The following MS4A10 variants were observed in gnomAD, a reference collection of about 807,000 sequenced individuals.
MS4A10 encodes the protein membrane-spanning 4-domains subfamily A member 10.
A neutral mutation model predicts 27.7 loss-of-function variants in MS4A10; 27 were observed. The observed-to-expected ratio is 0.98, with a 90% CI of 0.72 to 1.35. The LOEUF is 1.35. MS4A10 is among the 40% of genes most tolerant of loss of function. The probability of loss-of-function intolerance (pLI) is 0.00; values close to 1 mark genes in which losing one functional copy is unlikely to be tolerated. For synonymous variants in MS4A10, 139 were observed against 131.2 expected (o/e 1.06, Z -0.41); for missense variants, 338 against 324.7 (o/e 1.04, Z -0.32).
At chr11:60,798,743 T>C (rs1164488230) in intron 7 of MS4A10, among the ~76,000 whole-genome samples, 1 of 152,192 alleles carries the variant, frequency 6.6e-6, no homozygotes, top group Non-Finnish European at 1.5e-5. Context: ...AGCACCTGAC[T>C]TGGTTGACCA....
At position 60,785,700 on chromosome 11, in the gene MS4A10, G is replaced by A. The variant is rs371775934; in HGVS notation, c.-23+279G>A. On this transcript the variant is annotated intron_variant, in intron 1 of 7. Coordinates refer to ENST00000308287, the MANE Select transcript of MS4A10 (RefSeq NM_206893.4). ...GATCTGGGAAGTAGGGGGCACCGTC[G>A]GCCTCTCCCCTGCGGAGCCCCATCC... Among the ~76,000 whole-genome samples, 8 of 152,220 alleles carry A rather than the reference G, an allele frequency of 5.3e-5. No individual in the cohort carries two copies. The South Asian group carries it at 1.0e-3, about 20-fold the overall frequency.
rs146437987 is a variant in MS4A10 at position 60,799,846 on chromosome 11, A to T, written c.741A>T (p.Gln247His). 10 of 1,550,852 alleles carry T rather than the reference A, an allele frequency of 6.4e-6. No individual in the cohort carries two copies. The highest frequency in any genetic ancestry group is 8.9e-6 in the Non-Finnish European group (10 of 1,124,236). ...KQHQRLREVKQVAPDTWIVTD... is the reference protein window; with the variant it reads ...KQHQRLREVKHVAPDTWIVTD... ...CATGCAGGCTCAGAGAAGTTAAGCA[A>T]GTTGCCCCGGACACATGGATAGTCA... is the stretch of plus-strand genomic sequence containing the variant. Residue 247 changes from glutamine (Q) to histidine (H), a missense_variant, in exon 8 of 8, where the codon CAA (glutamine) becomes CAT (histidine). By Grantham distance (24) the Gln-to-His change is conservative (BLOSUM62 0). Coordinates refer to ENST00000308287, the MANE Select transcript of MS4A10 (RefSeq NM_206893.4).
At position 60,793,966 on chromosome 11, in the gene MS4A10, C is replaced by T. The variant is rs1854477582; in HGVS notation, c.361-6C>T. ...GACAGCTGTTACCTTTATTTTTCAC[C>T]TATAGAAGATGTTGTGCCTGATGAC... On this transcript the variant is annotated splice_polypyrimidine_tract_variant and splice_region_variant and intron_variant, in intron 4 of 7. Transcript: ENST00000308287. 6.2e-7 allele frequency: 1 copy of T among 1,613,762 alleles called. No homozygotes were observed. The highest frequency in any genetic ancestry group is 1.1e-5 in the South Asian group (1 of 91,034).
intron 1 of MS4A10, among the ~76,000 whole-genome samples, chr11:60,788,952 C>G (rs1854381768): frequency 6.6e-6 from 1 of 152,178 alleles, no homozygotes; most frequent in African/African-American, 2.4e-5. Flanking sequence ...GGGAGGTTGC[C>G]AGGCAAAACT....
intron 5 of MS4A10, 52 bp downstream of exon 5, chr11:60,794,155 G>C (rs1223923864): frequency 8.7e-6 from 14 of 1,608,376 alleles, no homozygotes; most frequent in Non-Finnish European, 1.2e-5. Flanking sequence ...GTGCTGCCTT[G>C]GATTTGGCCA....
In MS4A10 at chr11:60,790,573, T is replaced by C. The variant is rs957291378; in HGVS notation, c.183+55T>C. ...GTGGGAGGCAGAGGAGAGGGGGATA[T>C]GAGGAGGATGCTGGGGGGCCCCAAG... On this transcript the variant is annotated intron_variant, in intron 2 of 7. Coordinates refer to ENST00000308287, the MANE Select transcript of MS4A10 (RefSeq NM_206893.4). 44 of 1,593,402 alleles carry C rather than the reference T, an allele frequency of 2.8e-5. No homozygotes were observed. The African/African-American group carries it at 5.3e-4, about 19-fold the overall frequency.
At chr11:60,790,118 G>A (rs1854403652) in intron 1 of MS4A10, among the ~76,000 whole-genome samples, 196 bp from the exon 2 acceptor site, 1 of 152,188 alleles carries the variant, frequency 6.6e-6, no homozygotes, top group Admixed American at 6.5e-5. Flanking sequence ...GAAAGGCTGT[G>A]AGCAGCAATT....
chr11:60,791,811 G>A (rs376824102), intron 3 of MS4A10, among the ~76,000 whole-genome samples: 1 of 152,350 alleles, frequency 6.6e-6, no homozygotes. Flanking sequence ...CCCATAGTAG[G>A]TGCTCAGTGC....
Position 60,800,247 on chromosome 11 carries a change from T to C in MS4A10, c.*338T>C, listed in dbSNP as rs1240158728. ...CTCACTGCAATCTCCGCCTCCCTGG[T>C]TCAAGTGATTCTCCTATCTCAGCCT... is the stretch of plus-strand genomic sequence containing the variant. On this transcript the variant is annotated 3_prime_UTR_variant, in exon 8 of 8. Coordinates refer to ENST00000308287, the MANE Select transcript of MS4A10 (RefSeq NM_206893.4). 4.3e-6 allele frequency: 1 copy of C among 233,542 alleles called. No individual in the cohort carries two copies. The highest frequency in any genetic ancestry group is 8.4e-6 in the Non-Finnish European group (1 of 118,944). 14.5% of individuals were successfully genotyped at this position (233,542 alleles called of 1,614,324 possible). A position where few individuals can be genotyped will look rare whatever the true frequency, so the allele number is the denominator to read the frequency against.
chr11:60,797,090 G>A (rs1256471254), intron 6 of MS4A10, among the ~76,000 whole-genome samples: 1 of 152,118 alleles, frequency 6.6e-6, no homozygotes, highest in Non-Finnish European at 1.5e-5. Context: ...CAGAGAAGGT[G>A]TCTTTGTTAA....
chr11:60,790,367 G>A lies in MS4A10; in HGVS notation c.32G>A (p.Arg11His), dbSNP rs202136081. Reference sequence around the variant, plus strand: ...GCAGAAGCCACAGTTATTCCCAGCCGTTGTGCTAGGGGGCTCCCATCATGG... The same window carrying A: ...GCAGAAGCCACAGTTATTCCCAGCCATTGTGCTAGGGGGCTCCCATCATGG... MKAEATVIPSRCARGLPSWQV... is the reference protein window; with the variant it reads MKAEATVIPSHCARGLPSWQV... Residue 11 changes from arginine (R) to histidine (H), a missense_variant, in exon 2 of 8, where the codon CGT (arginine) becomes CAT (histidine). Transcript: ENST00000308287. 195 of 1,614,066 alleles carry A rather than the reference G, an allele frequency of 1.2e-4. 1 individual carries two copies. Among genetic ancestry groups the A allele is most frequent in the Middle Eastern group, 6.6e-4 (4 of 6,062 alleles).
At chr11:60,790,809 C>T (rs1337737135) in intron 2 of MS4A10, among the ~76,000 whole-genome samples, 165 bp from the exon 3 acceptor site, 1 of 152,208 alleles carries the variant, frequency 6.6e-6, no homozygotes, top group African/African-American at 2.4e-5. Flanking sequence ...TCAGCTCTTT[C>T]TGCAGGAAAT....
intron 1 of MS4A10, among the ~76,000 whole-genome samples, chr11:60,785,780 G>A (rs1442165589): frequency 6.6e-6 from 1 of 152,138 alleles, no homozygotes; most frequent in Non-Finnish European, 1.5e-5. Context: ...TTTTCTTGCA[G>A]TCTGGAAATG....
chr11:60,786,172 T>C (rs866711542), intron 1 of MS4A10, among the ~76,000 whole-genome samples: 3 of 131,500 alleles, frequency 2.3e-5, no homozygotes, highest in African/African-American at 8.4e-5. Context: ...TGCACACACA[T>C]GCACACACAC....
At chr11:60,788,690 G>A (rs972448133) in intron 1 of MS4A10, among the ~76,000 whole-genome samples, 9 of 152,226 alleles carry the variant, frequency 5.9e-5, no homozygotes, top group African/African-American at 2.2e-4. Flanking sequence ...CTCAGCTTCT[G>A]AAGCCCAGGA....
Position 60,800,574 on chromosome 11 carries a change from G to A in MS4A10, c.*665G>A, listed in dbSNP as rs1273175573. The A allele has an allele frequency of 6.6e-6, 1 of 152,298 alleles. No homozygotes were observed. Among genetic ancestry groups the A allele is most frequent in the East Asian group, 1.9e-4 (1 of 5,208 alleles). The allele number at this position is 152,298 out of a possible 1,614,324, so 9.4% of individuals were successfully genotyped here. On this transcript the variant is annotated 3_prime_UTR_variant, in exon 8 of 8. Transcript: ENST00000308287. ...ATATCCCTGGGGTTTGAGGTTCTTT[G>A]AATTCTCCCTCTTTGTCATCTCTTT...
rs77990000 is a variant in MS4A10 at position 60,792,959 on chromosome 11, C to T, written c.360+638C>T. On this transcript the variant is annotated intron_variant, in intron 4 of 7. Transcript: ENST00000308287. ...AAATTATTTCTGGGCAGAATGTGCC[C>T]GAGCATAGTGATAGCCCAAGGTGGC... 2.6e-4 allele frequency among the ~76,000 whole-genome samples: 40 copies of T among 152,286 alleles called. No homozygotes were observed. In the East Asian group the frequency reaches 6.2e-3, roughly 24 times the overall value.
intron 6 of MS4A10, 65 bp downstream of exon 6, chr11:60,795,730 G>A (rs1854518342): frequency 9.7e-7 from 1 of 1,036,104 alleles, no homozygotes; most frequent in Admixed American, 3.0e-5. Flanking sequence ...AGAGAGCTCA[G>A]AAAGGAAAGA....
chr11:60,794,223 G>A, intron 5 of MS4A10, 120 bp downstream of exon 5: 1 of 1,205,132 alleles, frequency 8.3e-7, no homozygotes, highest in Non-Finnish European at 1.2e-6. Flanking sequence ...GGGCTGCTGG[G>A]CCCTTTGCCA....
Sources: allele counts gnomAD v4.1 joint callset (sites outside exome capture counted in the v4.1 genomes callset), GRCh38; gene constraint gnomAD v4.1.1; transcripts MANE v1.5; gene names NCBI Gene and HGNC (gene_info 2026-07-23, HGNC 2026-07-21).